The following LRP1B variants were observed in gnomAD, a reference collection of about 807,000 sequenced individuals.
LRP1B encodes LDL receptor related protein 1B.
In LRP1B, 217 loss-of-function variants were observed where a neutral mutation model predicts 556.6. The observed-to-expected ratio is 0.39, with a 90% CI of 0.35 to 0.44. The LOEUF is 0.44. LRP1B is among the 20% of genes least tolerant of loss of function. The pLI, the probability that LRP1B is intolerant of heterozygous loss-of-function variation, is 1.00. For synonymous variants in LRP1B, 2,047 were observed against 1,865.8 expected (o/e 1.10, Z -2.50); for missense variants, 5,053 against 5,620.8 (o/e 0.90, Z 3.23).
chr2:141,732,242 G>A (rs1813194), intron 2 of LRP1B, among the ~76,000 whole-genome samples: 104,946 of 151,972 alleles, frequency 0.69, 37,882 homozygotes, highest in East Asian at 0.89. Context: ...GAATTACTAC[G>A]AAATTATGAT....
At chr2:140,836,914 G>C (rs929429924) in intron 31 of LRP1B, among the ~76,000 whole-genome samples, 1 of 152,172 alleles carries the variant, frequency 6.6e-6, no homozygotes, top group Non-Finnish European at 1.5e-5. Context: ...CTTAGCATGA[G>C]CAGCAAAGCA....
chr2:141,402,960 A>G (rs1301714274), intron 3 of LRP1B, among the ~76,000 whole-genome samples: 4 of 152,042 alleles, frequency 2.6e-5, no homozygotes, highest in Non-Finnish European at 1.5e-5. Context: ...AGTCATCTAA[A>G]TTTTGAGTAT....
intron 1 of LRP1B, among the ~76,000 whole-genome samples, chr2:142,093,026 A>G (rs1009851640): frequency 6.6e-6 from 1 of 152,024 alleles, no homozygotes; most frequent in Non-Finnish European, 1.5e-5. Context: ...CTACAAATCC[A>G]TGCTCCACTT....
At chr2:140,563,148 T>C (rs1033258163) in intron 43 of LRP1B, among the ~76,000 whole-genome samples, 1 of 151,712 alleles carries the variant, frequency 6.6e-6, no homozygotes, top group Non-Finnish European at 1.5e-5. Flanking sequence ...CATGAATCCA[T>C]GATAAGCTAA....
intron 7 of LRP1B, among the ~76,000 whole-genome samples, chr2:141,064,531 A>C (rs1699428559): frequency 6.6e-6 from 1 of 151,982 alleles, no homozygotes; most frequent in Non-Finnish European, 1.5e-5. Flanking sequence ...TATATAACTG[A>C]TCAAAATTGA....
At chr2:140,841,824 A>G (rs1692114256) in intron 29 of LRP1B, among the ~76,000 whole-genome samples, 1 of 152,184 alleles carries the variant, frequency 6.6e-6, no homozygotes, top group Non-Finnish European at 1.5e-5. Context: ...GCACCTTTTC[A>G]AGAAAAAAAA....
chr2:141,852,384 A>T (rs1697895406), intron 1 of LRP1B, among the ~76,000 whole-genome samples: 1 of 151,804 alleles, frequency 6.6e-6, no homozygotes, highest in African/African-American at 2.4e-5. Flanking sequence ...TCTTTCTAAT[A>T]GTAAAAATTA....
intron 20 of LRP1B, among the ~76,000 whole-genome samples, chr2:140,932,852 G>C (rs1273329353): frequency 1.5e-5 from 2 of 131,038 alleles, no homozygotes; most frequent in East Asian, 2.2e-4. Flanking sequence ...CTCAATCCTG[G>C]GTGAAAGAGT....
At chr2:140,938,794 C>A (rs1036241817) in intron 20 of LRP1B, among the ~76,000 whole-genome samples, 1 of 147,148 alleles carries the variant, frequency 6.8e-6, no homozygotes, top group African/African-American at 2.5e-5. Context: ...CCTATATTAT[C>A]AACAGTGTCT....
At chr2:140,361,071 C>T (rs960734266) in intron 72 of LRP1B, among the ~76,000 whole-genome samples, 3 of 151,086 alleles carry the variant, frequency 2.0e-5, no homozygotes, top group African/African-American at 7.3e-5. Context: ...ACTTTTCTCC[C>T]CATTAATATT....
At chr2:140,246,909 G>T (rs1681189309) in intron 87 of LRP1B, among the ~76,000 whole-genome samples, 177 bp downstream of exon 87, 1 of 151,502 alleles carries the variant, frequency 6.6e-6, no homozygotes, top group Non-Finnish European at 1.5e-5. Flanking sequence ...TGTACACACT[G>T]GATCCTGTAA....
At chr2:140,888,343 AAATG>A (rs1320850895) in intron 23 of LRP1B, among the ~76,000 whole-genome samples, 1 of 152,152 alleles carries the variant, frequency 6.6e-6, no homozygotes, top group East Asian at 1.9e-4. Flanking sequence ...CAGAAAATAA[AAATG>A]AATTAACTCA....
intron 1 of LRP1B, among the ~76,000 whole-genome samples, chr2:142,070,415 C>T (rs1449478): frequency 0.48 from 72,985 of 151,640 alleles, 18,103 homozygotes; most frequent in East Asian, 0.69. Flanking sequence ...TGTCTTTGTC[C>T]AGTAAATGGC....
intron 41 of LRP1B, among the ~76,000 whole-genome samples, chr2:140,626,712 AAAAAAG>A (rs1250352933): frequency 2.0e-5 from 3 of 151,642 alleles, no homozygotes; most frequent in African/African-American, 7.2e-5. Context: ...AAAAAAAAAA[AAAAAAG>A]AGTAAATAAG....
At chr2:140,649,753 A>G (rs1298327545) in intron 41 of LRP1B, among the ~76,000 whole-genome samples, 1 of 152,144 alleles carries the variant, frequency 6.6e-6, no homozygotes, top group Non-Finnish European at 1.5e-5. Context: ...AAGAATTAGG[A>G]CTCACCAATA....
At chr2:140,534,557 A>T (rs958641620) in intron 46 of LRP1B, among the ~76,000 whole-genome samples, 1 of 152,196 alleles carries the variant, frequency 6.6e-6, no homozygotes, top group African/African-American at 2.4e-5. Flanking sequence ...AAGGAAATAA[A>T]GCAACAAAGC....
chr2:140,661,289 A>G (rs1373644301), intron 41 of LRP1B, among the ~76,000 whole-genome samples: 2 of 152,120 alleles, frequency 1.3e-5, no homozygotes, highest in East Asian at 1.9e-4. Context: ...AGAAATTTCA[A>G]CTAGAGTACT....
intron 59 of LRP1B, among the ~76,000 whole-genome samples, chr2:140,481,980 G>A (rs1287230865): frequency 1.3e-5 from 2 of 152,120 alleles, no homozygotes; most frequent in Non-Finnish European, 2.9e-5. Flanking sequence ...ACGTCACTCA[G>A]CTACTTCTTA....
chr2:141,574,621 G>A (rs1003068675), intron 2 of LRP1B, among the ~76,000 whole-genome samples: 5 of 152,074 alleles, frequency 3.3e-5, no homozygotes, highest in African/African-American at 1.2e-4. Flanking sequence ...TCAGGCAAGA[G>A]AAAGAAATAA....
Sources: allele counts gnomAD v4.1 joint callset (sites outside exome capture counted in the v4.1 genomes callset), GRCh38; gene constraint gnomAD v4.1.1; transcripts MANE v1.5; gene names NCBI Gene and HGNC (gene_info 2026-07-23, HGNC 2026-07-21).